The following NRG3 variants were observed in gnomAD, a reference collection of about 807,000 sequenced individuals.
NRG3 encodes pro-neuregulin-3, membrane-bound isoform.
Under a neutral mutation model 66.9 loss-of-function variants are expected in NRG3, and 31 were observed. That is an observed-to-expected ratio of 0.46 (90% CI 0.35 to 0.63). The LOEUF is 0.63. NRG3 is among the 20% of genes least tolerant of loss of function. The probability of loss-of-function intolerance (pLI) is 0.00; values close to 1 mark genes in which losing one functional copy is unlikely to be tolerated. For missense variants in NRG3, 910 were observed against 878.9 expected, an observed-to-expected ratio of 1.04 and a Z score of -0.45; for synonymous variants, 393 against 359.4, an observed-to-expected ratio of 1.09 and a Z score of -1.06.
intron 4 of NRG3, among the ~76,000 whole-genome samples, chr10:82,915,638 A>C (rs2132012347): frequency 6.6e-6 from 1 of 152,302 alleles, no homozygotes; most frequent in African/African-American, 2.4e-5. Flanking sequence ...CAAAGTAAAA[A>C]AAAAATTAGA....
chr10:81,925,648 T>G (rs1181136077), intron 1 of NRG3, among the ~76,000 whole-genome samples: 1 of 152,184 alleles, frequency 6.6e-6, no homozygotes, highest in African/African-American at 2.4e-5. Context: ...TTGAATTAGC[T>G]GGATAATTCT....
chr10:82,839,133 A>G (rs571716574), intron 3 of NRG3, among the ~76,000 whole-genome samples: 6 of 152,320 alleles, frequency 3.9e-5, no homozygotes, highest in Non-Finnish European at 5.9e-5. Context: ...CAGCCAAACT[A>G]TATAATCATC....
At chr10:82,872,035 T>A (rs1003831443) in intron 4 of NRG3, among the ~76,000 whole-genome samples, 1 of 152,258 alleles carries the variant, frequency 6.6e-6, no homozygotes, top group Non-Finnish European at 1.5e-5. Context: ...AAAATTATAT[T>A]AGGTATAGAT....
At chr10:82,182,540 C>T (rs768220842) in intron 1 of NRG3, among the ~76,000 whole-genome samples, 30 of 151,758 alleles carry the variant, frequency 2.0e-4, no homozygotes, top group Non-Finnish European at 4.0e-4. Context: ...CTCCTCTACC[C>T]TTTATGTTAC....
intron 2 of NRG3, among the ~76,000 whole-genome samples, chr10:82,645,432 C>A (rs1312106352): frequency 6.6e-6 from 1 of 152,156 alleles, no homozygotes; most frequent in Non-Finnish European, 1.5e-5. Context: ...ATTGCCCCAC[C>A]CATATGGTCC....
intron 4 of NRG3, among the ~76,000 whole-genome samples, chr10:82,910,418 A>G (rs1352715630): frequency 6.6e-6 from 1 of 152,262 alleles, no homozygotes; most frequent in Admixed American, 6.5e-5. Flanking sequence ...GTGCTAATGC[A>G]GCAGGCACGC....
intron 2 of NRG3, among the ~76,000 whole-genome samples, chr10:82,701,178 A>G (rs1276161882): frequency 6.6e-6 from 1 of 152,186 alleles, no homozygotes; most frequent in Admixed American, 6.6e-5. Context: ...GCAAGCTAGT[A>G]TGAGTCATTA....
intron 2 of NRG3, among the ~76,000 whole-genome samples, chr10:82,491,316 A>ATATATATATATATATATAT (rs1389375279): frequency 7.3e-5 from 10 of 136,810 alleles, no homozygotes; most frequent in South Asian, 2.4e-4. Context: ...ATATATATAT[A>ATATATATATATATATATAT]AAATAAAGAT....
intron 2 of NRG3, among the ~76,000 whole-genome samples, chr10:82,405,895 T>G (rs1172487539): frequency 2.6e-5 from 4 of 152,232 alleles, no homozygotes; most frequent in African/African-American, 9.6e-5. Context: ...AGATTTGAAT[T>G]GATTTGCTTG....
chr10:82,753,718 G>A (rs2058966265), intron 3 of NRG3, among the ~76,000 whole-genome samples: 1 of 152,022 alleles, frequency 6.6e-6, no homozygotes, highest in Non-Finnish European at 1.5e-5. Flanking sequence ...GGAGGCTGAG[G>A]TGGGCAGATC....
At chr10:82,924,064 G>T (rs1204732556) in intron 4 of NRG3, among the ~76,000 whole-genome samples, 1 of 142,472 alleles carries the variant, frequency 7.0e-6, no homozygotes, top group Non-Finnish European at 1.5e-5. Context: ...ACTCCAGCCT[G>T]GGCAACATAG....
chr10:82,495,583 C>A (rs192294489), intron 2 of NRG3, among the ~76,000 whole-genome samples: 1 of 151,982 alleles, frequency 6.6e-6, no homozygotes, highest in Non-Finnish European at 1.5e-5. Context: ...AAGTTGGGCA[C>A]GCCTAGCAGA....
chr10:82,490,654 AT>A (rs2132242005), intron 2 of NRG3, among the ~76,000 whole-genome samples: 1 of 152,196 alleles, frequency 6.6e-6, no homozygotes, highest in East Asian at 1.9e-4. Context: ...CTAGACTTGT[AT>A]TTGCAAATGT....
At chr10:82,065,865 C>G (rs2133278037) in intron 1 of NRG3, among the ~76,000 whole-genome samples, 1 of 152,260 alleles carries the variant, frequency 6.6e-6, no homozygotes, top group Middle Eastern at 3.4e-3. Context: ...TATATCCCAA[C>G]TCTTTGTGTA....
At chr10:82,253,462 C>G (rs1366634046) in intron 1 of NRG3, among the ~76,000 whole-genome samples, 4 of 152,160 alleles carry the variant, frequency 2.6e-5, no homozygotes, top group Non-Finnish European at 5.9e-5. Flanking sequence ...AGCTGTCAGT[C>G]CTGCTCAACA....
intron 1 of NRG3, among the ~76,000 whole-genome samples, chr10:82,264,064 A>G (rs1479997626): frequency 6.6e-6 from 1 of 152,150 alleles, no homozygotes; most frequent in East Asian, 1.9e-4. Context: ...TTACTGGGCA[A>G]CGAAGAGAAA....
At chr10:82,601,889 A>AAT (rs1014993000) in intron 2 of NRG3, among the ~76,000 whole-genome samples, 21 of 146,236 alleles carry the variant, frequency 1.4e-4, no homozygotes, top group South Asian at 2.1e-4. Context: ...TATATATACA[A>AAT]ATATATATAT....
chr10:81,966,308 T>C (rs1157997008), intron 1 of NRG3, among the ~76,000 whole-genome samples: 1 of 150,428 alleles, frequency 6.6e-6, no homozygotes, highest in Non-Finnish European at 1.5e-5. Context: ...GTAATATGTG[T>C]ATATATATAA....
intron 1 of NRG3, among the ~76,000 whole-genome samples, chr10:81,927,462 T>C (rs939789348): frequency 3.3e-5 from 5 of 152,296 alleles, no homozygotes; most frequent in Non-Finnish European, 7.4e-5. Flanking sequence ...CAACTTAATA[T>C]GCTAAAAATG....
Sources: gnomAD v4.1 joint callset for allele counts (sites outside exome capture counted in the v4.1 genomes callset) on GRCh38, gnomAD v4.1.1 for gene constraint, MANE v1.5 for transcripts, NCBI Gene and HGNC (gene_info 2026-07-23, HGNC 2026-07-21) for gene names.